Variants in PRKD1 observed in about 807,000 individuals in gnomAD.
PRKD1 encodes the protein serine/threonine-protein kinase D1.
Under a neutral mutation model 95.9 loss-of-function variants are expected in PRKD1, and 63 were observed. The ratio of observed to expected loss-of-function variants is 0.66; its 90% CI spans 0.54 to 0.81. PRKD1 has a LOEUF of 0.81. Ranked by LOEUF, PRKD1 falls within the 30% of genes least tolerant of loss-of-function variation. The pLI is 0.00. For missense variants in PRKD1, 1,048 were observed against 1,165.3 expected (o/e 0.90, Z 1.47); for synonymous variants, 425 against 423.1 (o/e 1.00, Z -0.05).
chr14:29,679,077 T>G (rs1566534329), intron 2 of PRKD1, among the ~76,000 whole-genome samples: 3 of 152,182 alleles, frequency 2.0e-5, no homozygotes, highest in Non-Finnish European at 4.4e-5. Flanking sequence ...AGAAAAAAAG[T>G]ATAAAACTCT....
chr14:29,743,617 A>G (rs1275561755), intron 1 of PRKD1, among the ~76,000 whole-genome samples: 7 of 152,180 alleles, frequency 4.6e-5, no homozygotes, highest in Non-Finnish European at 7.3e-5. Flanking sequence ...AACATTCAAG[A>G]TATATTGCAC....
intron 13 of PRKD1, 78 bp from the exon 14 acceptor site, chr14:29,599,895 T>A: frequency 4.4e-6 from 6 of 1,360,664 alleles, no homozygotes; most frequent in Non-Finnish European, 6.0e-6. Flanking sequence ...TATACAAAAC[T>A]GTTCAAGCTT....
At chr14:29,873,492 A>G (rs1028363202) in intron 1 of PRKD1, among the ~76,000 whole-genome samples, 30 of 152,374 alleles carry the variant, frequency 2.0e-4, no homozygotes, top group African/African-American at 7.2e-4. Context: ...GATACAAAAA[A>G]AAAAAGTCAA....
chr14:29,609,459 A>T (rs1339498830), intron 13 of PRKD1, among the ~76,000 whole-genome samples: 1 of 151,594 alleles, frequency 6.6e-6, no homozygotes, highest in African/African-American at 2.4e-5. Context: ...ATGTTTGCAT[A>T]GCAAAAGAAA....
At chr14:29,768,923 A>G (rs1888382110) in intron 1 of PRKD1, among the ~76,000 whole-genome samples, 2 of 152,110 alleles carry the variant, frequency 1.3e-5, no homozygotes, top group African/African-American at 2.4e-5. Context: ...GATGTGCGTT[A>G]TCCAGCATCC....
intron 4 of PRKD1, among the ~76,000 whole-genome samples, chr14:29,640,534 C>T (rs1334996615): frequency 1.3e-5 from 2 of 152,170 alleles, no homozygotes; most frequent in African/African-American, 2.4e-5. Flanking sequence ...AAAGGTTCAA[C>T]TCTTGCAGAT....
At chr14:29,749,947 G>A (rs185723443) in intron 1 of PRKD1, among the ~76,000 whole-genome samples, 29 of 152,280 alleles carry the variant, frequency 1.9e-4, no homozygotes, top group African/African-American at 5.8e-4. Context: ...CAGCAAAAAC[G>A]TTAGAAAAAT....
At chr14:29,807,682 G>C (rs1890291698) in intron 1 of PRKD1, among the ~76,000 whole-genome samples, 1 of 151,720 alleles carries the variant, frequency 6.6e-6, no homozygotes. Flanking sequence ...ACAGACATAA[G>C]CCACCATACC....
chr14:29,584,207 T>C (rs1033091681), intron 16 of PRKD1, among the ~76,000 whole-genome samples: 4 of 152,194 alleles, frequency 2.6e-5, no homozygotes, highest in Non-Finnish European at 5.9e-5. Context: ...TACAGAATTA[T>C]ATTTGAAGTT....
At chr14:29,581,580 A>G (rs1892758281) in intron 16 of PRKD1, among the ~76,000 whole-genome samples, 1 of 152,198 alleles carries the variant, frequency 6.6e-6, no homozygotes, top group Non-Finnish European at 1.5e-5. Flanking sequence ...CTTAAACACT[A>G]TGGCAGACTG....
At chr14:29,658,221 C>G (rs1254259120) in intron 4 of PRKD1, among the ~76,000 whole-genome samples, 1 of 152,190 alleles carries the variant, frequency 6.6e-6, no homozygotes, top group African/African-American at 2.4e-5. Flanking sequence ...CAGCTGCATG[C>G]TGTTCAGCTC....
chr14:29,634,535 T>C lies in PRKD1; in HGVS notation c.1197A>G (p.Ser399=), dbSNP rs150744032. Residue 399 remains serine, a synonymous_variant, in exon 8 of 18, where the codon TCA becomes TCG. Transcript: ENST00000331968. ...TCATGAGTGGGATATTGTTGCTTGT[T>C]GATGGACTTGAGAAGTCAAAATATT... is the stretch of plus-strand genomic sequence containing the variant. ...HEDANRTISP[S]TSNNIPLMRV... is the part of the protein sequence containing the mutation. 6.2e-7 allele frequency: 1 copy of C among 1,614,016 alleles called. No homozygotes were observed. Among genetic ancestry groups the C allele is most frequent in the African/African-American group, 1.3e-5 (1 of 75,022 alleles).
At chr14:29,761,909 G>A (rs1254039966) in intron 1 of PRKD1, among the ~76,000 whole-genome samples, 1 of 151,318 alleles carries the variant, frequency 6.6e-6, no homozygotes, top group Non-Finnish European at 1.5e-5. Context: ...CAGCTCCCAA[G>A]TAGCTGGTAT....
chr14:29,879,870 G>C, intron 1 of PRKD1, among the ~76,000 whole-genome samples: 1 of 152,178 alleles, frequency 6.6e-6, no homozygotes, highest in East Asian at 1.9e-4. Context: ...CTAGAGATCT[G>C]TGGAACTTTG....
intron 1 of PRKD1, among the ~76,000 whole-genome samples, chr14:29,826,859 A>ATATATATATG (rs1566623305): frequency 1.0e-5 from 1 of 99,414 alleles, no homozygotes; most frequent in African/African-American, 3.8e-5. Flanking sequence ...ATATATATAT[A>ATATATATATG]TATATATATA....
At chr14:29,881,700 G>A (rs1234145288) in intron 1 of PRKD1, among the ~76,000 whole-genome samples, 1 of 151,958 alleles carries the variant, frequency 6.6e-6, no homozygotes, top group Non-Finnish European at 1.5e-5. Context: ...CCATCCCATG[G>A]ACTTTCACTT....
intron 1 of PRKD1, among the ~76,000 whole-genome samples, chr14:29,826,692 TATATATAC>T (rs1257105841): frequency 0.019 from 829 of 44,530 alleles, 145 homozygotes; most frequent in African/African-American, 0.054. Context: ...TATACACACA[TATATATAC>T]ATATATACAC....
At chr14:29,789,325 G>C (rs910830846) in intron 1 of PRKD1, among the ~76,000 whole-genome samples, 1 of 152,056 alleles carries the variant, frequency 6.6e-6, no homozygotes, top group African/African-American at 2.4e-5. Flanking sequence ...ATTTTTCTGT[G>C]CCCTTATCTT....
chr14:29,612,771 C>A (rs576220612), intron 13 of PRKD1, among the ~76,000 whole-genome samples: 39 of 152,154 alleles, frequency 2.6e-4, no homozygotes, highest in Admixed American at 1.8e-3. Context: ...CTTAGAGCTC[C>A]AAAACATGTC....
Sources: allele counts gnomAD v4.1 joint callset (sites outside exome capture counted in the v4.1 genomes callset), GRCh38; gene constraint gnomAD v4.1.1; transcripts MANE v1.5; gene names NCBI Gene and HGNC (gene_info 2026-07-23, HGNC 2026-07-21).